Variants in CNTNAP5 observed in about 807,000 individuals in gnomAD.
CNTNAP5 encodes contactin-associated protein-like 5.
A neutral mutation model predicts 150.2 loss-of-function variants in CNTNAP5; 72 were observed. That is an observed-to-expected ratio of 0.48 (90% CI 0.40 to 0.58). CNTNAP5 has a LOEUF of 0.58. Ranked by LOEUF, CNTNAP5 falls within the 20% of genes least tolerant of loss-of-function variation. The pLI, the probability that CNTNAP5 is intolerant of heterozygous loss-of-function variation, is 0.00. For missense variants in CNTNAP5, 1,636 were observed against 1,626.2 expected, an observed-to-expected ratio of 1.01 and a Z score of -0.10; for synonymous variants, 672 against 619.8, an observed-to-expected ratio of 1.08 and a Z score of -1.25.
At chr2:124,075,279 G>A (rs1682411420) in intron 1 of CNTNAP5, among the ~76,000 whole-genome samples, 1 of 151,894 alleles carries the variant, frequency 6.6e-6, no homozygotes. Context: ...TCTAATCCTT[G>A]GTGACCTGTC....
rs527874127 is a variant in CNTNAP5, at chr2:124,362,472, C to T, written c.382-54971C>T. Among the ~76,000 whole-genome samples, 13 of 152,322 alleles carry T rather than the reference C, an allele frequency of 8.5e-5. No homozygotes were observed. In the South Asian group the frequency reaches 2.3e-3, roughly 27 times the overall value. ...ATCATACATTAGACAAATGGTTCTA[C>T]TTATTTTTATATTACTATCATTTTA... On this transcript the variant is annotated intron_variant, in intron 3 of 23. Transcript: ENST00000682447.
intron 4 of CNTNAP5, among the ~76,000 whole-genome samples, chr2:124,428,462 G>T (rs566007316): frequency 6.6e-6 from 1 of 152,172 alleles, no homozygotes; most frequent in Non-Finnish European, 1.5e-5. Flanking sequence ...TTTGAGCTTT[G>T]GGAAGATGGT....
chr2:124,263,395 G>C (rs1337489083), intron 3 of CNTNAP5, among the ~76,000 whole-genome samples: 1 of 152,156 alleles, frequency 6.6e-6, no homozygotes, highest in Non-Finnish European at 1.5e-5. Flanking sequence ...TTCTCTGATG[G>C]CCAGTGATGA....
chr2:124,030,902 C>T (rs1035201824), intron 1 of CNTNAP5, among the ~76,000 whole-genome samples: 17 of 151,982 alleles, frequency 1.1e-4, no homozygotes, highest in Admixed American at 8.5e-4. Flanking sequence ...GATGTCAGAC[C>T]AACAAGTATT....
rs189344606 is a variant in CNTNAP5 at position 124,609,553 on chromosome 2, C to T, written c.1757-248C>T. On this transcript the variant is annotated intron_variant, in intron 11 of 23. Coordinates refer to ENST00000682447, the MANE Select transcript of CNTNAP5 (RefSeq NM_001367498.1). ...GCTGCAATGTGCCGTGAGCCGTGAT[C>T]GTGCTACTGCAGTCTAAAACAAATA... Among the ~76,000 whole-genome samples the T allele has an allele frequency of 2.8e-4, 43 of 152,052 alleles. No homozygotes were observed. In the East Asian group the frequency reaches 4.5e-3, roughly 16 times the overall value.
chr2:124,860,572 C>T (rs1327289824), intron 19 of CNTNAP5, among the ~76,000 whole-genome samples: 5 of 149,454 alleles, frequency 3.3e-5, no homozygotes, highest in Non-Finnish European at 7.4e-5. Flanking sequence ...CCCTTTCTTC[C>T]GTTGTTTCTT....
chr2:124,214,642 G>A (rs913225048), intron 1 of CNTNAP5, among the ~76,000 whole-genome samples: 4 of 152,184 alleles, frequency 2.6e-5, no homozygotes, highest in Non-Finnish European at 1.5e-5. Context: ...GCAGGCAGAA[G>A]GCTCAGGACT....
intron 3 of CNTNAP5, among the ~76,000 whole-genome samples, chr2:124,254,888 T>G (rs13392083): frequency 2.0e-5 from 3 of 152,200 alleles, no homozygotes; most frequent in Admixed American, 6.5e-5. Flanking sequence ...TTTTGCAACT[T>G]GTCCTACCGC....
rs974713223 is a variant in CNTNAP5, at chr2:124,510,100, C to T, written c.1327+5544C>T. On this transcript the variant is annotated intron_variant, in intron 8 of 23. Transcript: ENST00000682447. ...CCTGTAATCCCAGCTACTTGCTACT[C>T]GGGAGGCTGAGGCAGGAGAATCACT... Among the ~76,000 whole-genome samples, 11 of 151,522 alleles carry T rather than the reference C, an allele frequency of 7.3e-5. No individual in the cohort carries two copies. In the East Asian group the frequency reaches 7.8e-4, roughly 11 times the overall value.
At chr2:124,510,477 G>GTGTA (rs1193621105) in intron 8 of CNTNAP5, among the ~76,000 whole-genome samples, 7 of 102,590 alleles carry the variant, frequency 6.8e-5, no homozygotes, top group Admixed American at 1.0e-4. Flanking sequence ...TTATGTATGT[G>GTGTA]TATATATATA....
chr2:124,878,756 C>T (rs1467167237), intron 21 of CNTNAP5, among the ~76,000 whole-genome samples: 1 of 150,962 alleles, frequency 6.6e-6, no homozygotes, highest in East Asian at 2.0e-4. Context: ...AATCTCCACT[C>T]ACTGCAACCT....
chr2:124,527,152 T>C (rs544788974), intron 9 of CNTNAP5, 133 bp from the exon 10 acceptor site: 81 of 657,202 alleles, frequency 1.2e-4, no homozygotes, highest in Admixed American at 1.2e-3. Context: ...GGATTTATAA[T>C]GAAAAGGGTG....
At chr2:124,571,240 A>T (rs1174838014) in intron 11 of CNTNAP5, among the ~76,000 whole-genome samples, 1 of 152,142 alleles carries the variant, frequency 6.6e-6, no homozygotes, top group East Asian at 1.9e-4. Context: ...AAAACTCTGG[A>T]GGGAGGTCCA....
At chr2:124,696,282 G>A (rs936662041) in intron 13 of CNTNAP5, among the ~76,000 whole-genome samples, 1 of 152,134 alleles carries the variant, frequency 6.6e-6, no homozygotes, top group Admixed American at 6.5e-5. Flanking sequence ...AAAGAGGCAG[G>A]AAACAATGCA....
At chr2:124,148,666 G>T (rs1684321105) in intron 1 of CNTNAP5, among the ~76,000 whole-genome samples, 1 of 149,480 alleles carries the variant, frequency 6.7e-6, no homozygotes. Flanking sequence ...ATCCACTAAT[G>T]CATATTATAT....
chr2:124,152,764 A>G (rs1469839846), intron 1 of CNTNAP5, among the ~76,000 whole-genome samples: 1 of 152,226 alleles, frequency 6.6e-6, no homozygotes, highest in Non-Finnish European at 1.5e-5. Flanking sequence ...ACAAGCAAGC[A>G]TCTAAATTTC....
chr2:124,336,405 G>A (rs979264374), intron 3 of CNTNAP5, among the ~76,000 whole-genome samples: 68 of 151,858 alleles, frequency 4.5e-4, no homozygotes, highest in Non-Finnish European at 3.4e-4. Context: ...TTAAGTTTTA[G>A]GGTACATGTG....
intron 21 of CNTNAP5, among the ~76,000 whole-genome samples, chr2:124,896,972 T>G (rs929566076): frequency 6.6e-6 from 1 of 151,680 alleles, no homozygotes; most frequent in Non-Finnish European, 1.5e-5. Context: ...CTTTACTTTG[T>G]AAAGGTTTTG....
intron 1 of CNTNAP5, among the ~76,000 whole-genome samples, chr2:124,163,148 A>G (rs1190768443): frequency 2.0e-5 from 3 of 152,078 alleles, no homozygotes; most frequent in Admixed American, 2.0e-4. Context: ...CCATCCTTTC[A>G]TTTCGCAATG....
Sources: allele counts gnomAD v4.1 joint callset (sites outside exome capture counted in the v4.1 genomes callset), GRCh38; gene constraint gnomAD v4.1.1; transcripts MANE v1.5; gene names NCBI Gene and HGNC (gene_info 2026-07-23, HGNC 2026-07-21).